Variants in NUP62CL observed in about 807,000 individuals in gnomAD.
NUP62CL encodes the protein nucleoporin 62 C-terminal like.
In NUP62CL, 13 loss-of-function variants were observed where a neutral mutation model predicts 15.3. The observed-to-expected ratio is 0.85, with a 90% confidence interval of 0.55 to 1.35. The LOEUF is 1.35. Among genes scored for constraint, NUP62CL ranks in the 40% most tolerant of loss-of-function variants. NUP62CL has a pLI of 0.00. For synonymous variants in NUP62CL, 54 were observed against 49.2 expected (o/e 1.10, Z -0.41); for missense variants, 123 against 130.6 (o/e 0.94, Z 0.28).
At chrX:107,182,175 C>T (rs1926935089) in intron 2 of NUP62CL, among the ~76,000 whole-genome samples, 1 of 112,125 alleles carries the variant, frequency 8.9e-6, no homozygotes, top group South Asian at 3.7e-4. Flanking sequence ...AGACAAAAAC[C>T]TTAGCTTCCT....
intron 8 of NUP62CL, among the ~76,000 whole-genome samples, chrX:107,142,301 T>C (rs1925789614): frequency 9.0e-6 from 1 of 110,954 alleles, no homozygotes; most frequent in Non-Finnish European, 1.9e-5. Flanking sequence ...ACCAAAAAAA[T>C]AAGGTGTTCA....
intron 7 of NUP62CL, among the ~76,000 whole-genome samples, chrX:107,149,703 A>G (rs1430225232): frequency 8.9e-6 from 1 of 112,126 alleles, no homozygotes; most frequent in Non-Finnish European, 1.9e-5. Context: ...ACTAAAGAAT[A>G]ATCACCACTT....
chrX:107,141,925 T>C (rs1185337745), intron 8 of NUP62CL, among the ~76,000 whole-genome samples: 1 of 109,263 alleles, frequency 9.2e-6, no homozygotes, highest in Non-Finnish European at 1.9e-5. Flanking sequence ...CCGGGTATGG[T>C]GGTGCGTGCC....
intron 2 of NUP62CL, among the ~76,000 whole-genome samples, chrX:107,184,092 T>C (rs1419011774): frequency 2.8e-5 from 3 of 108,155 alleles, no homozygotes; most frequent in African/African-American, 1.0e-4. Flanking sequence ...CTCCCCCCCC[T>C]CCACCAGAAC....
Position 107,164,927 on chromosome X carries a change from C to A in NUP62CL, c.194+2722G>T, listed in dbSNP as rs7887762. On this transcript the variant is annotated intron_variant, in intron 4 of 8. Coordinates refer to ENST00000372466, the MANE Select transcript of NUP62CL (RefSeq NM_017681.3). ...CAGCCTGGCTAACACGGTGAAACCCCGTCTCTACTAAAAATACAAAAAAAT... is the reference window on the plus strand; with the variant it reads ...CAGCCTGGCTAACACGGTGAAACCCAGTCTCTACTAAAAATACAAAAAAAT... Among the ~76,000 whole-genome samples the A allele has an allele frequency of 9.0e-3, 1,011 of 112,066 alleles. 8 individuals carry two copies. Among genetic ancestry groups the A allele is most frequent in the African/African-American group, 0.032 (975 of 30,915 alleles).
intron 8 of NUP62CL, among the ~76,000 whole-genome samples, chrX:107,128,222 G>C (rs1344006749): frequency 2.7e-5 from 3 of 112,242 alleles, no homozygotes; most frequent in African/African-American, 9.7e-5. Flanking sequence ...ACAGCAAAAA[G>C]TTTGAAACAT....
intron 7 of NUP62CL, among the ~76,000 whole-genome samples, chrX:107,152,031 AATATATATATATATTCAGATATATATAT>A (rs1926024690): frequency 1.4e-5 from 1 of 70,119 alleles, no homozygotes. Context: ...CTTCATCTTG[AATATATATATATATTCAGATATATATAT>A]ATATATATAT....
At position 107,153,136 on chromosome X, in the gene NUP62CL, C is replaced by A. The variant is rs780870058; in HGVS notation, c.530+36G>T. ...TGGAATGCTCTCAGAATACGTAAGT[C>A]CTGCCCCATTCTTCAATCTTTTTTC... On this transcript the variant is annotated intron_variant, in intron 7 of 8. Coordinates refer to ENST00000372466, the MANE Select transcript of NUP62CL (RefSeq NM_017681.3). 1.0e-5 allele frequency: 12 copies of A among 1,175,940 alleles called. No individual in the cohort carries two copies. The African/African-American group carries it at 2.2e-4, about 21-fold the overall frequency.
intron 2 of NUP62CL, among the ~76,000 whole-genome samples, chrX:107,192,795 G>A (rs1927275500): frequency 8.9e-6 from 1 of 112,007 alleles, no homozygotes; most frequent in Admixed American, 9.5e-5. Flanking sequence ...TTACTCTAAG[G>A]AAAATTCAGT....
intron 8 of NUP62CL, among the ~76,000 whole-genome samples, chrX:107,137,118 G>A (rs1188585266): frequency 9.2e-6 from 1 of 109,218 alleles, no homozygotes; most frequent in Admixed American, 9.5e-5. Context: ...ACTGTATCAT[G>A]AGTTAAAGAA....
At chrX:107,205,800 C>T (rs191532606) in intron 1 of NUP62CL, among the ~76,000 whole-genome samples, 1 of 110,721 alleles carries the variant, frequency 9.0e-6, no homozygotes, top group East Asian at 2.9e-4. Flanking sequence ...CAGTGGCAAG[C>T]GAGCGGCGCG....
intron 4 of NUP62CL, among the ~76,000 whole-genome samples, chrX:107,162,723 A>G (rs747945844): frequency 9.8e-5 from 11 of 112,230 alleles, no homozygotes; most frequent in East Asian, 8.4e-4. Flanking sequence ...AAGGAAATGA[A>G]AACAGAAGAC....
chrX:107,169,222 G>C (rs1926589079), intron 3 of NUP62CL, among the ~76,000 whole-genome samples: 1 of 111,411 alleles, frequency 9.0e-6, no homozygotes, highest in African/African-American at 3.3e-5. Flanking sequence ...AGGAGATGAA[G>C]TAGAAGTAAG....
chrX:107,169,809 ATT>A (rs372787771), intron 3 of NUP62CL, among the ~76,000 whole-genome samples: 1 of 103,522 alleles, frequency 9.7e-6, no homozygotes, highest in Non-Finnish European at 2.0e-5. Context: ...ACAGAAAGAA[ATT>A]TTTTTTTTAA....
chrX:107,145,353 T>G (rs1925861299), intron 8 of NUP62CL, among the ~76,000 whole-genome samples: 1 of 111,119 alleles, frequency 9.0e-6, no homozygotes, highest in Non-Finnish European at 1.9e-5. Flanking sequence ...CTAGCTCCCA[T>G]TTGTCTTAAT....
intron 4 of NUP62CL, among the ~76,000 whole-genome samples, chrX:107,161,056 G>A (rs1276157803): frequency 2.7e-5 from 3 of 111,504 alleles, no homozygotes; most frequent in Non-Finnish European, 5.7e-5. Context: ...GGCCATCAGA[G>A]AAATGCAAAT....
At chrX:107,173,973 C>G (rs1050286503) in intron 3 of NUP62CL, among the ~76,000 whole-genome samples, 1 of 108,997 alleles carries the variant, frequency 9.2e-6, no homozygotes, top group East Asian at 2.9e-4. Context: ...TTTATAGAGG[C>G]CTGTAAGAAA....
chrX:107,152,137 T>TATATATATATATTCAGATAG (rs1569357172), intron 7 of NUP62CL, among the ~76,000 whole-genome samples: 9 of 73,574 alleles, frequency 1.2e-4, no homozygotes, highest in African/African-American at 6.0e-4. Context: ...TATATTCAGA[T>TATATATATATATTCAGATAG]ATATATATAT....
At chrX:107,127,258 TA>T (rs1258533641) in intron 8 of NUP62CL, among the ~76,000 whole-genome samples, 2 of 111,424 alleles carry the variant, frequency 1.8e-5, no homozygotes, top group Non-Finnish European at 3.8e-5. Context: ...GGCAAATCTA[TA>T]AAGACAGAAA....
Sources: gnomAD v4.1 joint callset for allele counts (sites outside exome capture counted in the v4.1 genomes callset) on GRCh38, gnomAD v4.1.1 for gene constraint, MANE v1.5 for transcripts, NCBI Gene and HGNC (gene_info 2026-07-23, HGNC 2026-07-21) for gene names.